The following RBFOX1 variants were observed in gnomAD, a reference collection of about 807,000 sequenced individuals.
RBFOX1 encodes RNA binding protein fox-1 homolog 1.
In RBFOX1, 8 loss-of-function variants were observed where a neutral mutation model predicts 57.7. The observed-to-expected ratio is 0.14, with a 90% confidence interval of 0.08 to 0.25. The LOEUF is 0.25. Among genes scored for constraint, RBFOX1 ranks in the 10% least tolerant of loss-of-function variants. The pLI is 1.00. For synonymous variants in RBFOX1, 326 were observed against 222.4 expected, an observed-to-expected ratio of 1.47 and a Z score of -4.15; for missense variants, 611 against 548.5, an observed-to-expected ratio of 1.11 and a Z score of -1.14.
chr16:6,144,734 ATAT>A (rs2096744644), intron 1 of RBFOX1, among the ~76,000 whole-genome samples: 1 of 152,188 alleles, frequency 6.6e-6, no homozygotes, highest in African/African-American at 2.4e-5. Context: ...GCCTTGATGG[ATAT>A]TCCATTATGC....
At chr16:7,594,243 C>T (rs75037761) in intron 7 of RBFOX1, among the ~76,000 whole-genome samples, 3,660 of 151,860 alleles carry the variant, frequency 0.024, 136 homozygotes, top group African/African-American at 0.084. Flanking sequence ...GGAGTTATCA[C>T]CAGTTGGTTA....
intron 2 of RBFOX1, among the ~76,000 whole-genome samples, chr16:5,592,130 G>T (rs1266847943): frequency 6.6e-6 from 1 of 152,124 alleles, no homozygotes. Flanking sequence ...GTATTTGCAT[G>T]ACCATCTTGT....
intron 1 of RBFOX1, among the ~76,000 whole-genome samples, chr16:5,463,607 C>T (rs756610525): frequency 2.6e-5 from 4 of 151,948 alleles, no homozygotes; most frequent in Non-Finnish European, 5.9e-5. Flanking sequence ...TGAGATCAGT[C>T]TGGCCAACGT....
At chr16:7,203,903 C>T (rs1274365155) in intron 4 of RBFOX1, among the ~76,000 whole-genome samples, 2 of 152,202 alleles carry the variant, frequency 1.3e-5, no homozygotes, top group African/African-American at 4.8e-5. Flanking sequence ...CAGAACTAGT[C>T]AAGAAGGACA....
intron 1 of RBFOX1, among the ~76,000 whole-genome samples, chr16:6,164,169 C>A (rs540068716): frequency 6.6e-6 from 1 of 152,188 alleles, no homozygotes; most frequent in African/African-American, 2.4e-5. Context: ...CCAAAGACTA[C>A]ACTGCAGAAG....
In RBFOX1 at chr16:7,283,234, C is replaced by G. The variant is rs149372624; in HGVS notation, c.27+231136C>G. On this transcript the variant is annotated intron_variant, in intron 4 of 15. Coordinates refer to ENST00000550418, the MANE Select transcript of RBFOX1 (RefSeq NM_018723.4). ...ACTTTGTGTGCCTCTCTCTGCTTGT[C>G]TCTCTCTGTTCGTTCATCCCCTAGT... 5.0e-4 allele frequency among the ~76,000 whole-genome samples: 76 copies of G among 151,976 alleles called. No individual in the cohort carries two copies. The East Asian group carries it at 0.012, about 25-fold the overall frequency.
intron 13 of RBFOX1, among the ~76,000 whole-genome samples, chr16:7,670,719 C>G (rs980143697): frequency 5.3e-5 from 8 of 152,188 alleles, no homozygotes; most frequent in African/African-American, 1.9e-4. Context: ...AAAAAGTATA[C>G]ACAAGCCTTT....
intron 11 of RBFOX1, among the ~76,000 whole-genome samples, chr16:7,640,940 C>A (rs1000825358): frequency 6.6e-6 from 1 of 150,824 alleles, no homozygotes; most frequent in Non-Finnish European, 1.5e-5. Flanking sequence ...ACATTCAGAG[C>A]TCTGAGCAGG....
chr16:6,794,773 T>A (rs1603624904), intron 3 of RBFOX1, among the ~76,000 whole-genome samples: 2 of 152,030 alleles, frequency 1.3e-5, no homozygotes, highest in African/African-American at 4.8e-5. Context: ...TAGGGAAACA[T>A]GTTTAATGTT....
chr16:5,447,378 A>ATCTCTCTCTCTC (rs71142623), intron 1 of RBFOX1, among the ~76,000 whole-genome samples: 4,814 of 134,300 alleles, frequency 0.036, 207 homozygotes, highest in African/African-American at 0.07. Flanking sequence ...CAATCAATCA[A>ATCTCTCTCTCTC]TCTCTCTCTC....
chr16:5,918,241 T>G (rs970554999), intron 4 of RBFOX1, among the ~76,000 whole-genome samples: 5 of 152,308 alleles, frequency 3.3e-5, no homozygotes, highest in South Asian at 4.1e-4. Context: ...TGCCTCAGCC[T>G]CCCGAGTAGC....
At chr16:6,762,508 G>A (rs773157051) in intron 3 of RBFOX1, among the ~76,000 whole-genome samples, 10 of 152,036 alleles carry the variant, frequency 6.6e-5, no homozygotes, top group Admixed American at 1.3e-4. Flanking sequence ...GCTCACCAGT[G>A]TTACCCCTTT....
intron 4 of RBFOX1, among the ~76,000 whole-genome samples, chr16:7,447,634 G>T (rs144466704): frequency 9.9e-5 from 15 of 152,280 alleles, no homozygotes; most frequent in Non-Finnish European, 2.1e-4. Flanking sequence ...GTCAAGAGCT[G>T]TATCCCAAAC....
intron 3 of RBFOX1, among the ~76,000 whole-genome samples, chr16:6,842,556 A>C (rs1039952985): frequency 1.8e-4 from 27 of 151,908 alleles, no homozygotes; most frequent in Admixed American, 6.6e-4. Context: ...TCAACTTTTT[A>C]ATGGCTCTGC....
intron 4 of RBFOX1, among the ~76,000 whole-genome samples, chr16:7,288,798 A>T (rs925768930): frequency 2.6e-5 from 4 of 152,200 alleles, no homozygotes; most frequent in African/African-American, 9.6e-5. Context: ...CTGAGAGGGC[A>T]CCACTGCACT....
rs372899568 is a variant in RBFOX1 at position 5,649,318 on chromosome 16, C to T, written c.318+50357C>T. Among the ~76,000 whole-genome samples, 9 of 152,060 alleles carry T rather than the reference C, an allele frequency of 5.9e-5. No homozygotes were observed. The South Asian group carries it at 6.2e-4, about 11-fold the overall frequency. On this transcript the variant is annotated intron_variant, in intron 3 of 19. Coordinates refer to the RBFOX1 transcript ENST00000641259. ...CAAGTAGCTGGGAACTACAGGCATG[C>T]GCCACTATGCCTGGCTAATTTTTAT...
chr16:7,408,766 C>T (rs1373567773), intron 4 of RBFOX1, among the ~76,000 whole-genome samples: 1 of 152,120 alleles, frequency 6.6e-6, no homozygotes, highest in East Asian at 1.9e-4. Context: ...CCACTTTATG[C>T]CAGTAGCATC....
At chr16:6,760,255 T>A (rs2076417506) in intron 3 of RBFOX1, among the ~76,000 whole-genome samples, 1 of 152,162 alleles carries the variant, frequency 6.6e-6, no homozygotes, top group Non-Finnish European at 1.5e-5. Flanking sequence ...AAATTGCAAA[T>A]GGTTTAAAAA....
upstream of RBFOX1, among the ~76,000 whole-genome samples, chr16:6,015,704 A>T (rs1031340400): frequency 2.0e-5 from 3 of 151,648 alleles, no homozygotes; most frequent in Admixed American, 1.3e-4. Context: ...CCATCACCCA[A>T]CTCTCTGTGG....
Sources: gnomAD v4.1 joint callset for allele counts (sites outside exome capture counted in the v4.1 genomes callset) on GRCh38, gnomAD v4.1.1 for gene constraint, MANE v1.5 for transcripts, NCBI Gene and HGNC (gene_info 2026-07-23, HGNC 2026-07-21) for gene names.